The following ZNF41 variants were observed in gnomAD, a reference collection of about 807,000 sequenced individuals.
ZNF41 encodes the protein zinc finger protein 41.
Under a neutral mutation model 9.3 loss-of-function variants are expected in ZNF41, and 6 were observed. The observed-to-expected ratio is 0.65, with a 90% CI of 0.35 to 1.28. The LOEUF is 1.28. Ranked by LOEUF, ZNF41 falls within the 50% of genes most tolerant of loss-of-function variation. The pLI is 0.03. For synonymous variants in ZNF41, 192 were observed against 207.1 expected (o/e 0.93, Z 0.63); for missense variants, 523 against 585.8 (o/e 0.89, Z 1.11).
chrX:47,481,035 G>A (rs770190744), intron 1 of ZNF41, among the ~76,000 whole-genome samples: 5 of 111,410 alleles, frequency 4.5e-5, no homozygotes, highest in African/African-American at 1.3e-4. Flanking sequence ...AAATGTCAAC[G>A]TTTTGGGAAA....
At chrX:47,482,925 C>T (rs1189156010) in intron 1 of ZNF41, 170 bp downstream of exon 1, 2 of 112,987 alleles carry the variant, frequency 1.8e-5, no homozygotes, top group African/African-American at 3.2e-5. Context: ...GGCCTCAGGC[C>T]GTCCCTACCG....
At chrX:47,461,421 G>GT (rs1299778818) in intron 2 of ZNF41, among the ~76,000 whole-genome samples, 4 of 93,507 alleles carry the variant, frequency 4.3e-5, no homozygotes, top group South Asian at 4.9e-4. Flanking sequence ...TTTTTCCTTT[G>GT]TTTTTTTGAG....
chrX:47,460,652 G>A (rs2056752030), intron 2 of ZNF41, among the ~76,000 whole-genome samples: 2 of 112,010 alleles, frequency 1.8e-5, no homozygotes, highest in Non-Finnish European at 3.8e-5. Flanking sequence ...ATAAAAAAAG[G>A]TTTAACCTTC....
rs1219490791 is a variant in ZNF41 at position 47,449,352 on chromosome X, C to G, written c.418G>C (p.Asp140His). 5.0e-6 allele frequency: 6 copies of G among 1,211,705 alleles called. No individual in the cohort carries two copies. Among genetic ancestry groups the G allele is most frequent in the Non-Finnish European group, 6.7e-6 (6 of 895,528 alleles). Residue 140 changes from aspartate (D) to histidine (H), a missense_variant, in exon 5 of 5, where the codon GAT becomes CAT. Transcript: ENST00000684689. ...LCSILEELWQ[D>H]NDQLEQRQEN... is the part of the protein sequence containing the mutation. ...TGACGTTGCTCTAGCTGGTCATTAT[C>G]TTGCCACAGTTCTTCTAAAATAGAA...
intron 2 of ZNF41, among the ~76,000 whole-genome samples, chrX:47,463,740 G>A (rs2056895590): frequency 9.0e-6 from 1 of 111,296 alleles, no homozygotes; most frequent in African/African-American, 3.3e-5. Context: ...TGCTCCAGGT[G>A]TTCCACAGTA....
intron 2 of ZNF41, among the ~76,000 whole-genome samples, chrX:47,457,829 T>A (rs2056627970): frequency 8.9e-6 from 1 of 112,054 alleles, no homozygotes; most frequent in Non-Finnish European, 1.9e-5. Context: ...AGAACGAGAC[T>A]CCATCTCAAA....
At chrX:47,465,926 GT>G (rs1429905416) in intron 2 of ZNF41, among the ~76,000 whole-genome samples, 1 of 112,320 alleles carries the variant, frequency 8.9e-6, no homozygotes, top group East Asian at 2.8e-4. Context: ...AAACTGCCCA[GT>G]TAAAAATGAG....
At chrX:47,475,915 C>G (rs745477989) in intron 1 of ZNF41, among the ~76,000 whole-genome samples, 2 of 112,066 alleles carry the variant, frequency 1.8e-5, no homozygotes. Flanking sequence ...TCATTCATTA[C>G]AACAACCAAT....
intron 1 of ZNF41, among the ~76,000 whole-genome samples, chrX:47,472,527 C>A: frequency 9.6e-6 from 1 of 103,941 alleles, no homozygotes; most frequent in Non-Finnish European, 2.0e-5. Context: ...CAACCTCCAC[C>A]TCCAGGGTTC....
In ZNF41 at chrX:47,447,493, T is replaced by C. The variant is rs1157111225; in HGVS notation, c.2277A>G (p.Arg759=). The part of the protein sequence containing the change: ...CTECQKAFTD[R]SNLIKHQKMH... Reference sequence around the variant, plus strand: ...TTTTCTGGTGTTTAATGAGATTCGATCTGTCAGTAAAGGCCTTCTGACATT... The same window carrying C: ...TTTTCTGGTGTTTAATGAGATTCGACCTGTCAGTAAAGGCCTTCTGACATT... Residue 759 remains arginine (R), a synonymous_variant, in exon 5 of 5, where the codon AGA becomes AGG. Transcript: ENST00000684689. 2 of 1,211,493 alleles carry C rather than the reference T, an allele frequency of 1.7e-6. No homozygotes were observed. The highest frequency in any genetic ancestry group is 1.8e-5 in the South Asian group (1 of 57,010).
chrX:47,480,019 C>T (rs765130593), intron 1 of ZNF41, among the ~76,000 whole-genome samples: 5 of 109,888 alleles, frequency 4.6e-5, no homozygotes, highest in Admixed American at 2.0e-4. Flanking sequence ...TGTTTGAACC[C>T]GGGAGGTGGA....
At chrX:47,459,943 C>CAA (rs199735412) in intron 2 of ZNF41, among the ~76,000 whole-genome samples, 34 of 96,167 alleles carry the variant, frequency 3.5e-4, no homozygotes, top group East Asian at 3.0e-3. Flanking sequence ...GACTCCATCT[C>CAA]AAAAAAAAAA....
intron 2 of ZNF41, among the ~76,000 whole-genome samples, chrX:47,458,293 A>G (rs910571232): frequency 1.8e-5 from 2 of 112,078 alleles, no homozygotes; most frequent in Admixed American, 9.5e-5. Context: ...TTAAAAATAC[A>G]GTTCAAAATA....
At chrX:47,474,679 C>G (rs967001893) in intron 1 of ZNF41, among the ~76,000 whole-genome samples, 1 of 104,524 alleles carries the variant, frequency 9.6e-6, no homozygotes, top group Non-Finnish European at 1.9e-5. Flanking sequence ...GAGTTTGAGA[C>G]CAGCCTGGGC....
intron 1 of ZNF41, among the ~76,000 whole-genome samples, chrX:47,470,764 G>GA (rs2057169704): frequency 2.8e-5 from 3 of 107,894 alleles, no homozygotes; most frequent in East Asian, 2.9e-4. Context: ...AATAATAGGA[G>GA]AAAAAAAGGA....
Position 47,455,919 on chromosome X carries a change from A to T in ZNF41, c.295+2T>A. 8.3e-7 allele frequency: 1 copy of T among 1,209,509 alleles called. No individual in the cohort carries two copies. The highest frequency in any genetic ancestry group is 1.1e-6 in the Non-Finnish European group (1 of 893,582). On this transcript the variant is annotated splice_donor_variant, in intron 4 of 4. Transcript: ENST00000684689. LOFTEE classifies it high-confidence loss of function. ...CCATCTGTCTGGGTCATGCTCACTC[A>T]CCTGAACAGCTCTGATGTGGGGCTT...
chrX:47,449,498 A>C (rs1242394298), intron 4 of ZNF41, 24 bp from the exon 5 acceptor site: 1 of 1,190,313 alleles, frequency 8.4e-7, no homozygotes, highest in Admixed American at 2.3e-5. Flanking sequence ...GAAAGAAATG[A>C]AAACGACACA....
chrX:47,449,548 G>A (rs1453465771), intron 4 of ZNF41, 74 bp from the exon 5 acceptor site: 48 of 1,093,352 alleles, frequency 4.4e-5, no homozygotes, highest in Non-Finnish European at 5.7e-5. Context: ...ATGTAGTTCA[G>A]ACAGGATGAA....
chrX:47,447,168 T>C lies in ZNF41; in HGVS notation c.*262A>G, dbSNP rs2056141338. On this transcript the variant is annotated 3_prime_UTR_variant, in exon 5 of 5. Transcript: ENST00000684689. ...GAGCTCAAGAGGTCTGTATGAATCATGTCACCAAACATGACTTTCGCTCAA... is the reference window on the plus strand; with the variant it reads ...GAGCTCAAGAGGTCTGTATGAATCACGTCACCAAACATGACTTTCGCTCAA... The C allele has an allele frequency of 5.1e-6, 2 of 391,416 alleles. No homozygotes were observed. Among genetic ancestry groups the C allele is most frequent in the Non-Finnish European group, 9.0e-6 (2 of 222,322 alleles). The allele number at this position is 391,416 out of a possible 1,213,427, so 32.3% of individuals were successfully genotyped here.
Sources: allele counts gnomAD v4.1 joint callset (sites outside exome capture counted in the v4.1 genomes callset), GRCh38; gene constraint gnomAD v4.1.1; transcripts MANE v1.5; gene names NCBI Gene and HGNC (gene_info 2026-07-23, HGNC 2026-07-21).